The following VPS41 variants were observed in gnomAD, a reference collection of about 807,000 sequenced individuals.
VPS41 encodes vacuolar protein sorting-associated protein 41 homolog.
VPS41 carries 85 observed loss-of-function variants against 130.9 expected under a neutral mutation model. The ratio of observed to expected loss-of-function variants is 0.65; its 90% CI spans 0.55 to 0.78. VPS41 has a LOEUF of 0.78. Among genes scored for constraint, VPS41 ranks in the 30% least tolerant of loss-of-function variants. The pLI, the probability that VPS41 is intolerant of heterozygous loss-of-function variation, is 0.00. For missense variants in VPS41, 874 were observed against 1,018.7 expected (o/e 0.86, Z 1.93); for synonymous variants, 335 against 332.9 (o/e 1.01, Z -0.07).
At chr7:38,783,915 T>A (rs1411557695) in intron 10 of VPS41, among the ~76,000 whole-genome samples, 1 of 152,210 alleles carries the variant, frequency 6.6e-6, no homozygotes, top group Non-Finnish European at 1.5e-5. Flanking sequence ...TACTTGTACC[T>A]CTGTCATATA....
rs968346246 is a variant in VPS41, at chr7:38,886,869, G to A, written c.60+11222C>T. 3.7e-4 allele frequency among the ~76,000 whole-genome samples: 57 copies of A among 152,170 alleles called. 1 individual carries two copies. The highest frequency in any genetic ancestry group is 1.5e-3 in the Admixed American group (23 of 15,276). ...TTGCTGTTCTGCAGCCTCTGCTGGTGACACCTAGGCAAACAGCATCTGGAA... is the reference window on the plus strand; with the variant it reads ...TTGCTGTTCTGCAGCCTCTGCTGGTAACACCTAGGCAAACAGCATCTGGAA... On this transcript the variant is annotated intron_variant, in intron 2 of 28. Coordinates refer to ENST00000310301, the MANE Select transcript of VPS41 (RefSeq NM_014396.4).
chr7:38,786,583 C>T (rs1434875135), intron 10 of VPS41, among the ~76,000 whole-genome samples: 1 of 152,086 alleles, frequency 6.6e-6, no homozygotes, highest in Non-Finnish European at 1.5e-5. Flanking sequence ...ATCTTAACTG[C>T]AGAATCCTGG....
At chr7:38,734,097 A>G (rs1159586250) in intron 25 of VPS41, among the ~76,000 whole-genome samples, 1 of 152,192 alleles carries the variant, frequency 6.6e-6, no homozygotes, top group Non-Finnish European at 1.5e-5. Flanking sequence ...TCAAAACAAA[A>G]CAAAAAGAAT....
At chr7:38,892,885 C>T (rs1209868798) in intron 2 of VPS41, among the ~76,000 whole-genome samples, 4 of 152,152 alleles carry the variant, frequency 2.6e-5, no homozygotes, top group Non-Finnish European at 5.9e-5. Flanking sequence ...TCCACACTAT[C>T]CTATATTTCC....
intron 4 of VPS41, among the ~76,000 whole-genome samples, chr7:38,840,101 A>G (rs1785579378): frequency 6.6e-6 from 1 of 152,184 alleles, no homozygotes; most frequent in African/African-American, 2.4e-5. Flanking sequence ...CAGAGGCTGA[A>G]GCAAACGGGG....
chr7:38,894,090 A>G (rs1423237563), intron 2 of VPS41, among the ~76,000 whole-genome samples: 1 of 152,226 alleles, frequency 6.6e-6, no homozygotes, highest in Non-Finnish European at 1.5e-5. Context: ...TAGCACTTGA[A>G]TAAGGAAAAG....
chr7:38,778,109 A>T (rs925044064), intron 10 of VPS41, among the ~76,000 whole-genome samples: 8 of 152,204 alleles, frequency 5.3e-5, no homozygotes. Context: ...ATAAAAAGAT[A>T]ATATTTCATC....
chr7:38,761,529 C>T lies in VPS41; in HGVS notation c.1422+1926G>A, dbSNP rs573430517. Among the ~76,000 whole-genome samples the T allele has an allele frequency of 7.2e-5, 11 of 151,790 alleles. No homozygotes were observed. In the South Asian group the frequency reaches 1.2e-3, roughly 17 times the overall value. ...CCATCTCCTGACCTTGTGATCCGCC[C>T]GCCTCAGCCTCCCACAGCCTCCCAA... On this transcript the variant is annotated intron_variant, in intron 17 of 28. Transcript: ENST00000310301.
chr7:38,842,589 T>C (rs1442613891), intron 4 of VPS41, among the ~76,000 whole-genome samples: 1 of 152,172 alleles, frequency 6.6e-6, no homozygotes, highest in Non-Finnish European at 1.5e-5. Context: ...GCTCCACCTA[T>C]CTCTTCAGGC....
Position 38,726,166 on chromosome 7 carries a change from G to A in VPS41, c.*80C>T, listed in dbSNP as rs547860081. 1.6e-3 allele frequency: 1,408 copies of A among 901,978 alleles called. 18 individuals are homozygous for A. Among genetic ancestry groups the A allele is most frequent in the South Asian group, 0.014 (1,041 of 73,640 alleles). 55.9% of individuals were successfully genotyped at this position (901,978 alleles called of 1,614,324 possible). A position where few individuals can be genotyped will look rare whatever the true frequency, so the allele number is the denominator to read the frequency against. On this transcript the variant is annotated 3_prime_UTR_variant, in exon 29 of 29. Transcript: ENST00000310301. The stretch of plus-strand genomic sequence containing the variant: ...ACATAAACAAATCTCTTAACAGCAC[G>A]AGTGTCAACAAATGCTTTTGTTGTT...
At chr7:38,789,462 C>T (rs1428604176) in intron 10 of VPS41, among the ~76,000 whole-genome samples, 1 of 151,994 alleles carries the variant, frequency 6.6e-6, no homozygotes, top group Non-Finnish European at 1.5e-5. Context: ...GGTAAAAGGT[C>T]AGTGTGGCTG....
intron 2 of VPS41, among the ~76,000 whole-genome samples, chr7:38,893,296 C>CA (rs1443097052): frequency 2.0e-5 from 3 of 152,312 alleles, no homozygotes; most frequent in African/African-American, 7.2e-5. Context: ...CCCTCCTTCC[C>CA]AAAGACTCCC....
intron 22 of VPS41, among the ~76,000 whole-genome samples, chr7:38,746,912 C>G (rs972744818): frequency 1.3e-5 from 2 of 152,098 alleles, no homozygotes; most frequent in African/African-American, 2.4e-5. Flanking sequence ...CCAAGGTGGA[C>G]GAACAAGAGG....
In VPS41 at chr7:38,795,623, T is replaced by TC; in HGVS notation, c.571-13_571-12insG. The TC allele has an allele frequency of 6.2e-7, 1 of 1,608,948 alleles. No individual in the cohort carries two copies. Among genetic ancestry groups the TC allele is most frequent in the Non-Finnish European group, 8.5e-7 (1 of 1,177,274 alleles). The stretch of plus-strand genomic sequence containing the variant: ...AAAATCTTCACACCCTGGAAAATAA[T>TC]ACAGCAGTAAGCATCCTCTACTCAG... On this transcript the variant is annotated splice_polypyrimidine_tract_variant and intron_variant, in intron 8 of 28. Coordinates refer to ENST00000310301, the MANE Select transcript of VPS41 (RefSeq NM_014396.4).
At chr7:38,749,509 T>C (rs1173952543) in intron 22 of VPS41, among the ~76,000 whole-genome samples, 2 of 152,170 alleles carry the variant, frequency 1.3e-5, no homozygotes, top group Non-Finnish European at 2.9e-5. Context: ...ACACTTCTCA[T>C]TTAAAGTAGA....
chr7:38,744,251 T>C (rs1267937761), intron 23 of VPS41, among the ~76,000 whole-genome samples: 1 of 152,192 alleles, frequency 6.6e-6, no homozygotes, highest in East Asian at 1.9e-4. Flanking sequence ...GTTTTTAATA[T>C]AGTGCATGTA....
rs10252285 is a variant in VPS41, at chr7:38,730,870, A to C, written c.2260-2079T>G. On this transcript the variant is annotated intron_variant, in intron 25 of 28. Coordinates refer to ENST00000310301, the MANE Select transcript of VPS41 (RefSeq NM_014396.4). Reference sequence around the variant, plus strand: ...TATATAAGAGAAAGGCAGGGCCAGCAGTCTAGACAGAGGCCACTGTGTCTA... The same window carrying C: ...TATATAAGAGAAAGGCAGGGCCAGCCGTCTAGACAGAGGCCACTGTGTCTA... Among the ~76,000 whole-genome samples the C allele has an allele frequency of 6.6e-5, 10 of 152,144 alleles. 1 individual carries two copies. Among genetic ancestry groups the C allele is most frequent in the Middle Eastern group, 3.4e-3 (1 of 294 alleles).
At position 38,737,801 on chromosome 7, in the gene VPS41, T is replaced by C. The variant is rs371427014; in HGVS notation, c.2259+4184A>G. Among the ~76,000 whole-genome samples the C allele has an allele frequency of 7.9e-5, 12 of 152,302 alleles. No homozygotes were observed. In the East Asian group the frequency reaches 1.9e-3, roughly 25 times the overall value. On this transcript the variant is annotated intron_variant, in intron 25 of 28. Coordinates refer to ENST00000310301, the MANE Select transcript of VPS41 (RefSeq NM_014396.4). Reference sequence around the variant, plus strand: ...TTTCTGTAGTGATCTTTGAAAGTTTTGTAATCCTGTGACCCAAACCAGTGC... The same window carrying C: ...TTTCTGTAGTGATCTTTGAAAGTTTCGTAATCCTGTGACCCAAACCAGTGC...
At position 38,742,036 on chromosome 7, in the gene VPS41, G is replaced by T. The variant is rs1562567743; in HGVS notation, c.2208C>A (p.Ile736=). 1.2e-6 allele frequency: 2 copies of T among 1,613,386 alleles called. No homozygotes were observed. The highest frequency in any genetic ancestry group is 1.7e-6 in the Non-Finnish European group (2 of 1,179,678). Residue 736 remains isoleucine (I), a synonymous_variant, in exon 25 of 29, where the codon ATC becomes ATA. Transcript: ENST00000310301. ...TAACCAAGGAATCTCTCAAATTGGG[G>T]ATCTCCATTCCTTCCTTAATACGGT... ...LIHRIKEGME[I]PNLRDSLVKI...
Sources: gnomAD v4.1 joint callset for allele counts (sites outside exome capture counted in the v4.1 genomes callset) on GRCh38, gnomAD v4.1.1 for gene constraint, MANE v1.5 for transcripts, NCBI Gene and HGNC (gene_info 2026-07-23, HGNC 2026-07-21) for gene names.